SGCZ: variants seen among roughly 807,000 people sequenced by gnomAD.
SGCZ encodes sarcoglycan zeta.
Under a neutral mutation model 41.3 loss-of-function variants are expected in SGCZ, and 40 were observed. The ratio of observed to expected loss-of-function variants is 0.97; its 90% CI spans 0.75 to 1.26. SGCZ has a LOEUF of 1.26. Ranked by LOEUF, SGCZ falls within the 50% of genes most tolerant of loss-of-function variation. The probability of loss-of-function intolerance (pLI) is 0.00; values close to 1 mark genes in which losing one functional copy is unlikely to be tolerated. For missense variants in SGCZ, 552 were observed against 369.8 expected, an observed-to-expected ratio of 1.49 and a Z score of -4.04; for synonymous variants, 206 against 137.5, an observed-to-expected ratio of 1.50 and a Z score of -3.49.
At chr8:14,392,425 T>C (rs1040116691) in intron 2 of SGCZ, among the ~76,000 whole-genome samples, 1 of 152,172 alleles carries the variant, frequency 6.6e-6, no homozygotes, top group African/African-American at 2.4e-5. Context: ...ATCAAAATGA[T>C]ATGAATGAGT....
At chr8:14,916,934 C>T (rs534427938) in intron 1 of SGCZ, among the ~76,000 whole-genome samples, 11 of 152,022 alleles carry the variant, frequency 7.2e-5, no homozygotes, top group Admixed American at 3.3e-4. Flanking sequence ...TGTTACTCAG[C>T]GTCAGAGAAA....
chr8:14,233,634 T>C (rs1037728537), intron 4 of SGCZ, among the ~76,000 whole-genome samples: 1 of 148,946 alleles, frequency 6.7e-6, no homozygotes, highest in Non-Finnish European at 1.5e-5. Context: ...TTTCCTGAGA[T>C]AATAAAACAA....
rs1807497837 is a variant in SGCZ at position 14,654,489 on chromosome 8, A to G, written c.40-99563T>C. 2.6e-5 allele frequency among the ~76,000 whole-genome samples: 4 copies of G among 152,272 alleles called. No individual in the cohort carries two copies. In the South Asian group the frequency reaches 8.3e-4, roughly 32 times the overall value. On this transcript the variant is annotated intron_variant, in intron 1 of 7. Coordinates refer to ENST00000382080, the MANE Select transcript of SGCZ (RefSeq NM_139167.4). ...TAAAAATATTTAAATCTCTTAGAAA[A>G]TTGCCAATATGTAGCAAGCACTCAA...
At chr8:14,394,554 T>A (rs1804911668) in intron 2 of SGCZ, among the ~76,000 whole-genome samples, 1 of 152,142 alleles carries the variant, frequency 6.6e-6, no homozygotes, top group Admixed American at 6.5e-5. Flanking sequence ...CCTGAGATCA[T>A]GGTTGGTTTT....
intron 1 of SGCZ, among the ~76,000 whole-genome samples, chr8:15,217,837 C>T (rs761603988): frequency 1.3e-5 from 2 of 152,116 alleles, no homozygotes; most frequent in Non-Finnish European, 2.9e-5. Context: ...CCTATAATCC[C>T]AGCACTTTGG....
chr8:14,789,201 C>T (rs567964105), intron 1 of SGCZ, among the ~76,000 whole-genome samples: 14 of 152,058 alleles, frequency 9.2e-5, no homozygotes, highest in African/African-American at 3.4e-4. Context: ...GTGAAGTCAT[C>T]CACCAGGAGC....
rs540699816 is a variant in SGCZ, at chr8:14,361,813, T to C, written c.235-37609A>G. Among the ~76,000 whole-genome samples, 2 of 152,344 alleles carry C rather than the reference T, an allele frequency of 1.3e-5. 1 individual carries two copies. The highest frequency in any genetic ancestry group is 4.8e-5 in the African/African-American group (2 of 41,580). ...CTGCTCTGGTTTCTCCCCATCTTTT[T>C]AGTTTTATCTATCTTTGGTTCTTAA... On this transcript the variant is annotated intron_variant, in intron 2 of 7. Transcript: ENST00000382080.
chr8:15,001,767 G>C (rs114980388), intron 1 of SGCZ, among the ~76,000 whole-genome samples: 2,451 of 148,722 alleles, frequency 0.016, 61 homozygotes, highest in African/African-American at 0.057. Flanking sequence ...AAAAGGAGTT[G>C]AGTGTAATAA....
intron 1 of SGCZ, among the ~76,000 whole-genome samples, chr8:14,922,042 T>C (rs983254768): frequency 2.6e-5 from 4 of 152,130 alleles, no homozygotes; most frequent in African/African-American, 9.7e-5. Context: ...TTATTTTCCT[T>C]ACCATCAAAT....
chr8:14,624,085 T>C (rs1365833499), intron 1 of SGCZ, among the ~76,000 whole-genome samples: 1 of 152,230 alleles, frequency 6.6e-6, no homozygotes, highest in Admixed American at 6.5e-5. Context: ...ACATTTACTA[T>C]GTGCCGCAAT....
intron 2 of SGCZ, among the ~76,000 whole-genome samples, chr8:14,504,459 A>G (rs1802246145): frequency 6.6e-6 from 1 of 152,220 alleles, no homozygotes; most frequent in South Asian, 2.1e-4. Context: ...CTAGATATGC[A>G]TTAGTATCAC....
At chr8:15,139,984 G>A (rs915870884) in intron 1 of SGCZ, among the ~76,000 whole-genome samples, 1 of 151,872 alleles carries the variant, frequency 6.6e-6, no homozygotes, top group Non-Finnish European at 1.5e-5. Flanking sequence ...ATGCATTAAA[G>A]TTGGTGGGGG....
chr8:15,003,581 A>C lies in SGCZ; in HGVS notation c.39+234004T>G, dbSNP rs540302463. ...AAAATGGAATGTGTTGACTTAAATA[A>C]ATAGACCAAACTATTAATACACAAA... On this transcript the variant is annotated intron_variant, in intron 1 of 7. Coordinates refer to ENST00000382080, the MANE Select transcript of SGCZ (RefSeq NM_139167.4). Among the ~76,000 whole-genome samples the C allele has an allele frequency of 2.0e-3, 299 of 152,344 alleles. 1 individual carries two copies. The highest frequency in any genetic ancestry group is 7.0e-3 in the African/African-American group (290 of 41,588).
intron 5 of SGCZ, chr8:14,161,401 A>C (rs2116976948): frequency 6.6e-6 from 1 of 152,302 alleles, no homozygotes; most frequent in Admixed American, 6.5e-5. Flanking sequence ...GCCTATGTGT[A>C]TGTTTGTGAC....
At chr8:14,177,443 G>A (rs1215254877) in intron 4 of SGCZ, among the ~76,000 whole-genome samples, 1 of 152,050 alleles carries the variant, frequency 6.6e-6, no homozygotes, top group African/African-American at 2.4e-5. Context: ...GCGCTCAAAC[G>A]GTTAACCTAC....
chr8:14,143,249 T>C (rs541848533), intron 5 of SGCZ, among the ~76,000 whole-genome samples: 38 of 152,308 alleles, frequency 2.5e-4, no homozygotes, highest in African/African-American at 7.2e-4. Flanking sequence ...CTCTCTAAGA[T>C]TGCAGACAGG....
At chr8:15,113,185 G>A (rs1293662153) in intron 1 of SGCZ, among the ~76,000 whole-genome samples, 1 of 148,902 alleles carries the variant, frequency 6.7e-6, no homozygotes, top group African/African-American at 2.5e-5. Flanking sequence ...CTCTAGCCTG[G>A]GCAAGAGAGC....
chr8:14,803,634 T>C (rs113544407), intron 1 of SGCZ, among the ~76,000 whole-genome samples: 116 of 149,868 alleles, frequency 7.7e-4, no homozygotes, highest in Middle Eastern at 3.5e-3. Flanking sequence ...AACTGCAAGG[T>C]GGCAGTGAGG....
intron 2 of SGCZ, among the ~76,000 whole-genome samples, chr8:14,408,496 C>T (rs1186361128): frequency 6.6e-6 from 1 of 152,082 alleles, no homozygotes; most frequent in South Asian, 2.1e-4. Context: ...AGGTGGCCAC[C>T]GTCTCTCCCC....
Sources: gnomAD v4.1 joint callset for allele counts (sites outside exome capture counted in the v4.1 genomes callset) on GRCh38, gnomAD v4.1.1 for gene constraint, MANE v1.5 for transcripts, NCBI Gene and HGNC (gene_info 2026-07-23, HGNC 2026-07-21) for gene names.